Variants in TENM3 observed in about 807,000 individuals in gnomAD.
TENM3 encodes the protein teneurin-3.
TENM3 carries 63 observed loss-of-function variants against 255.1 expected under a neutral mutation model. The observed-to-expected ratio is 0.25, with a 90% confidence interval of 0.20 to 0.30. The LOEUF (loss-of-function observed/expected upper bound fraction) is 0.30. TENM3 is among the 10% of genes least tolerant of loss of function. The probability of loss-of-function intolerance (pLI) is 1.00; values close to 1 mark genes in which losing one functional copy is unlikely to be tolerated. For missense variants in TENM3, 2,929 were observed against 3,461.1 expected (o/e 0.85, Z 3.86); for synonymous variants, 1,306 against 1,322.3 (o/e 0.99, Z 0.27).
At chr4:181,786,205 T>A in the TENM3 span, among the ~76,000 whole-genome samples, 1 of 152,160 alleles carries the variant, frequency 6.6e-6, no homozygotes, top group African/African-American at 2.4e-5. Context: ...TACGCAAATG[T>A]GACACTCTTT....
intron 3 of TENM3, among the ~76,000 whole-genome samples, chr4:182,566,632 A>G (rs1560933985): frequency 6.6e-6 from 1 of 152,176 alleles, no homozygotes; most frequent in South Asian, 2.1e-4. Context: ...AACAGCAGCT[A>G]TCCATGAGCT....
intron 3 of TENM3, among the ~76,000 whole-genome samples, chr4:182,487,839 G>A (rs572830123): frequency 4.6e-5 from 7 of 152,228 alleles, no homozygotes; most frequent in Admixed American, 1.3e-4. Flanking sequence ...AACATAGTAC[G>A]TATCTCATAA....
the TENM3 span, among the ~76,000 whole-genome samples, chr4:181,923,201 T>G: frequency 4.2e-4 from 64 of 152,254 alleles, no homozygotes; most frequent in Middle Eastern, 3.4e-3. Context: ...CTGAAAAAAA[T>G]ATATATTCTG....
chr4:182,300,966 T>C (rs1327206276), intron 1 of TENM3, among the ~76,000 whole-genome samples: 1 of 152,224 alleles, frequency 6.6e-6, no homozygotes, highest in Non-Finnish European at 1.5e-5. Flanking sequence ...TTTAAAAAAG[T>C]GTTTTATTTG....
At chr4:182,736,302 C>T (rs1761156829) in intron 16 of TENM3, among the ~76,000 whole-genome samples, 1 of 152,220 alleles carries the variant, frequency 6.6e-6, no homozygotes, top group South Asian at 2.1e-4. Flanking sequence ...AATGAGCCAG[C>T]TGGCACAGGC....
intron 3 of TENM3, among the ~76,000 whole-genome samples, chr4:182,559,597 C>A (rs571503357): frequency 6.6e-6 from 1 of 152,088 alleles, no homozygotes. Flanking sequence ...TATGCAAGCA[C>A]CCTGTAATAA....
At chr4:182,166,734 C>G (rs764571518) in intron 1 of TENM3, among the ~76,000 whole-genome samples, 2 of 152,080 alleles carry the variant, frequency 1.3e-5, no homozygotes, top group African/African-American at 2.4e-5. Context: ...CAGGTTAAAG[C>G]GATGCTCCTG....
the TENM3 span, among the ~76,000 whole-genome samples, chr4:181,545,519 G>T: frequency 6.6e-6 from 1 of 152,152 alleles, no homozygotes; most frequent in Non-Finnish European, 1.5e-5. Context: ...TTTATTTTAA[G>T]TTAAGGATAA....
At chr4:181,645,751 A>T in the TENM3 span, among the ~76,000 whole-genome samples, 3 of 152,220 alleles carry the variant, frequency 2.0e-5, no homozygotes, top group Non-Finnish European at 2.9e-5. Context: ...GAACTGGAAG[A>T]CTGGAAGACT....
chr4:182,106,046 G>A, the TENM3 span, among the ~76,000 whole-genome samples: 1 of 152,208 alleles, frequency 6.6e-6, no homozygotes, highest in East Asian at 1.9e-4. Flanking sequence ...ACCTTCAGGT[G>A]TGGTAGGCCC....
At chr4:182,242,951 A>T (rs567632105), upstream of TENM3, among the ~76,000 whole-genome samples, 23 of 152,330 alleles carry the variant, frequency 1.5e-4, no homozygotes, top group African/African-American at 5.1e-4. Context: ...GGTAAGCAAG[A>T]TAATCACTAG....
chr4:182,787,288 A>G (rs897785305), intron 24 of TENM3, among the ~76,000 whole-genome samples: 1 of 152,188 alleles, frequency 6.6e-6, no homozygotes, highest in Non-Finnish European at 1.5e-5. Context: ...ACAGACTCAG[A>G]GGGGTTGAAA....
At chr4:182,764,906 G>A (rs1334865512) in intron 22 of TENM3, among the ~76,000 whole-genome samples, 1 of 152,140 alleles carries the variant, frequency 6.6e-6, no homozygotes, top group Non-Finnish European at 1.5e-5. Context: ...GAAAGGAAAG[G>A]TAGGAGGCAG....
At chr4:181,865,334 G>A in the TENM3 span, among the ~76,000 whole-genome samples, 48,164 of 152,086 alleles carry the variant, frequency 0.32, 8,013 homozygotes, top group South Asian at 0.45. Context: ...AAGAACAAAT[G>A]TGAATATGAC....
chr4:182,758,630 C>T (rs898420923), intron 22 of TENM3, among the ~76,000 whole-genome samples: 2 of 152,128 alleles, frequency 1.3e-5, no homozygotes, highest in African/African-American at 4.8e-5. Flanking sequence ...AATATTAGTA[C>T]GTGTCTGTAA....
At chr4:182,549,935 T>G (rs1741835271) in intron 3 of TENM3, among the ~76,000 whole-genome samples, 2 of 152,216 alleles carry the variant, frequency 1.3e-5, no homozygotes, top group African/African-American at 4.8e-5. Context: ...TGGGTTCATT[T>G]AGAAATTGCA....
intron 3 of TENM3, among the ~76,000 whole-genome samples, chr4:182,470,474 A>T (rs73872405): frequency 0.023 from 3,564 of 152,314 alleles, 136 homozygotes; most frequent in African/African-American, 0.078. Context: ...CTGGACTTCA[A>T]CCTGACCACT....
At chr4:182,581,148 TAATA>T (rs1248068197) in intron 3 of TENM3, among the ~76,000 whole-genome samples, 1 of 152,098 alleles carries the variant, frequency 6.6e-6, no homozygotes, top group Non-Finnish European at 1.5e-5. Context: ...TCTTTTTACA[TAATA>T]AATAAGAAGA....
At chr4:181,771,059 C>T in the TENM3 span, among the ~76,000 whole-genome samples, 3 of 152,228 alleles carry the variant, frequency 2.0e-5, no homozygotes, top group Non-Finnish European at 4.4e-5. Flanking sequence ...GTTCCTGAAT[C>T]TTCAAAGCTC....
Sources: allele counts gnomAD v4.1 joint callset (sites outside exome capture counted in the v4.1 genomes callset), GRCh38; gene constraint gnomAD v4.1.1; transcripts MANE v1.5; gene names NCBI Gene and HGNC (gene_info 2026-07-23, HGNC 2026-07-21).